Variants in MED27 observed in about 807,000 individuals in gnomAD.
MED27 encodes mediator complex subunit 27, also known as mediator of RNA polymerase II transcription subunit 27.
A neutral mutation model predicts 38.2 loss-of-function variants in MED27; 30 were observed. The ratio of observed to expected loss-of-function variants is 0.79; its 90% confidence interval spans 0.59 to 1.07. The LOEUF (loss-of-function observed/expected upper bound fraction) is 1.07, where lower values mean the gene tolerates loss of function less well. Among genes scored for constraint, MED27 ranks in the 50% least tolerant of loss-of-function variants. The pLI, the probability that MED27 is intolerant of heterozygous loss-of-function variation, is 0.00. For missense variants in MED27, 289 were observed against 397.5 expected (o/e 0.73, Z 2.32); for synonymous variants, 122 against 153.5 (o/e 0.79, Z 1.52).
At chr9:132,027,551 G>A (rs575078611) in intron 2 of MED27, among the ~76,000 whole-genome samples, 1 of 152,148 alleles carries the variant, frequency 6.6e-6, no homozygotes, top group Admixed American at 6.5e-5. Flanking sequence ...ACAGAGGAAG[G>A]GCCAAGAATC....
chr9:132,012,831 C>A (rs1327304381), intron 3 of MED27, among the ~76,000 whole-genome samples: 1 of 152,160 alleles, frequency 6.6e-6, no homozygotes. Flanking sequence ...AAAGATGGGA[C>A]AATGTCTGTC....
intron 3 of MED27, among the ~76,000 whole-genome samples, chr9:131,987,328 C>T (rs1442019332): frequency 6.6e-6 from 1 of 152,078 alleles, no homozygotes; most frequent in East Asian, 1.9e-4. Context: ...ATAAAGCCTC[C>T]AGAGTATCTG....
intron 3 of MED27, among the ~76,000 whole-genome samples, chr9:131,983,465 C>G (rs1831783639): frequency 6.6e-6 from 1 of 152,202 alleles, no homozygotes; most frequent in Non-Finnish European, 1.5e-5. Flanking sequence ...GCAGTAGCCC[C>G]TATTTCAAAG....
intron 3 of MED27, among the ~76,000 whole-genome samples, chr9:131,954,294 G>T (rs1349432003): frequency 6.6e-6 from 1 of 152,154 alleles, no homozygotes; most frequent in African/African-American, 2.4e-5. Flanking sequence ...GTGAGCACAG[G>T]AGGAGGGCCT....
chr9:131,970,465 C>T (rs1353484249), intron 3 of MED27, among the ~76,000 whole-genome samples: 1 of 152,246 alleles, frequency 6.6e-6, no homozygotes, highest in Non-Finnish European at 1.5e-5. Flanking sequence ...AACACAGAAA[C>T]ACTACACCCA....
At chr9:132,044,537 A>C (rs1589285858) in intron 2 of MED27, among the ~76,000 whole-genome samples, 2 of 152,150 alleles carry the variant, frequency 1.3e-5, no homozygotes, top group Non-Finnish European at 2.9e-5. Flanking sequence ...GGCCGACTTC[A>C]CCTCTTCCCT....
chr9:131,918,133 A>G (rs568608966), intron 4 of MED27, among the ~76,000 whole-genome samples: 1 of 152,360 alleles, frequency 6.6e-6, no homozygotes, highest in African/African-American at 2.4e-5. Context: ...GGATAGAGGA[A>G]TATGTTTTCC....
At chr9:132,020,795 T>C (rs1832700419) in intron 2 of MED27, among the ~76,000 whole-genome samples, 4 of 152,208 alleles carry the variant, frequency 2.6e-5, no homozygotes, top group Admixed American at 2.0e-4. Flanking sequence ...AAATATCAGA[T>C]GATGATATTA....
intron 4 of MED27, among the ~76,000 whole-genome samples, chr9:131,910,593 A>G (rs1459056737): frequency 6.6e-6 from 1 of 152,202 alleles, no homozygotes; most frequent in African/African-American, 2.4e-5. Flanking sequence ...CACACTTTGC[A>G]TGGCTTTTTC....
At chr9:131,904,331 G>C (rs942302880) in intron 4 of MED27, among the ~76,000 whole-genome samples, 1 of 148,914 alleles carries the variant, frequency 6.7e-6, no homozygotes, top group African/African-American at 2.5e-5. Context: ...GAGCCACTGC[G>C]GCCAGTCTGT....
At chr9:131,914,440 G>A (rs1258137877) in intron 4 of MED27, among the ~76,000 whole-genome samples, 2 of 152,168 alleles carry the variant, frequency 1.3e-5, no homozygotes, top group Non-Finnish European at 2.9e-5. Flanking sequence ...AGATTACACT[G>A]TAAAATGGTG....
chr9:132,046,785 G>A (rs773697585), intron 2 of MED27, among the ~76,000 whole-genome samples: 6 of 152,260 alleles, frequency 3.9e-5, no homozygotes, highest in South Asian at 2.1e-4. Flanking sequence ...CCGCACATAC[G>A]CACATACACA....
At chr9:132,029,526 T>C (rs1832903606) in intron 2 of MED27, among the ~76,000 whole-genome samples, 1 of 152,036 alleles carries the variant, frequency 6.6e-6, no homozygotes, top group Non-Finnish European at 1.5e-5. Context: ...CAGGACAGAG[T>C]ATGAAAAACC....
intron 2 of MED27, among the ~76,000 whole-genome samples, chr9:132,045,488 C>T (rs1397618015): frequency 2.0e-5 from 3 of 151,242 alleles, no homozygotes; most frequent in Non-Finnish European, 4.4e-5. Context: ...ATAAAAGGTT[C>T]TAAGAAACTA....
chr9:131,946,682 T>C (rs1830892317), intron 3 of MED27, among the ~76,000 whole-genome samples: 1 of 152,212 alleles, frequency 6.6e-6, no homozygotes, highest in Non-Finnish European at 1.5e-5. Context: ...CCAGCTGCAG[T>C]GACTGTTACA....
chr9:132,032,919 G>C (rs1370150825), intron 2 of MED27, among the ~76,000 whole-genome samples: 1 of 152,152 alleles, frequency 6.6e-6, no homozygotes, highest in Non-Finnish European at 1.5e-5. Flanking sequence ...CATTTCAAAA[G>C]GCTTCCTGCT....
At chr9:132,065,307 A>G (rs1833784644) in intron 2 of MED27, among the ~76,000 whole-genome samples, 1 of 152,216 alleles carries the variant, frequency 6.6e-6, no homozygotes, top group South Asian at 2.1e-4. Context: ...CCTACTGACT[A>G]AAAATAACAG....
At chr9:131,991,592 A>C (rs1377707715) in intron 3 of MED27, among the ~76,000 whole-genome samples, 1 of 152,202 alleles carries the variant, frequency 6.6e-6, no homozygotes, top group African/African-American at 2.4e-5. Flanking sequence ...TAAATAAACA[A>C]TTTTCAAAAT....
At chr9:131,870,712 T>C (rs1400314336) in intron 6 of MED27, among the ~76,000 whole-genome samples, 2 of 152,158 alleles carry the variant, frequency 1.3e-5, no homozygotes, top group African/African-American at 4.8e-5. Flanking sequence ...CAGAAGGGAC[T>C]GGACCTCAGC....
Sources: gnomAD v4.1 joint callset for allele counts (sites outside exome capture counted in the v4.1 genomes callset) on GRCh38, gnomAD v4.1.1 for gene constraint, MANE v1.5 for transcripts, NCBI Gene and HGNC (gene_info 2026-07-23, HGNC 2026-07-21) for gene names.